Variants in FUCA2 observed in about 807,000 individuals in gnomAD.
FUCA2 encodes alpha-L-fucosidase 2.
In FUCA2, 41 loss-of-function variants were observed where a neutral mutation model predicts 52.6. The observed-to-expected ratio is 0.78, with a 90% CI of 0.61 to 1.01. FUCA2 has a LOEUF of 1.01. Among genes scored for constraint, FUCA2 ranks in the 50% least tolerant of loss-of-function variants. The pLI is 0.00. For synonymous variants in FUCA2, 211 were observed against 217.3 expected, an observed-to-expected ratio of 0.97 and a Z score of 0.26; for missense variants, 507 against 569.5, an observed-to-expected ratio of 0.89 and a Z score of 1.12.
rs963905383 is a variant in FUCA2, at chr6:143,495,141, CAT to C, written c.*564_*565del. On this transcript the variant is annotated 3_prime_UTR_variant, in exon 7 of 7. Transcript: ENST00000002165. This position sits in a 1 kb window ranked among gnomAD's most constrained non-coding sequence, Gnocchi z 5.2. ...TTTTACTGTACCTTCTCTATGTTTC[CAT>C]ATGTTTCGATATACAAATACCACTG... 1.3e-5 allele frequency: 2 copies of C among 152,162 alleles called. No individual in the cohort carries two copies. The highest frequency in any genetic ancestry group is 2.9e-5 in the Non-Finnish European group (2 of 68,076). 9.4% of individuals were successfully genotyped at this position (152,162 alleles called of 1,614,324 possible). A position where few individuals can be genotyped will look rare whatever the true frequency, so the allele number is the denominator to read the frequency against.
Position 143,507,263 on chromosome 6 carries a change from A to C in FUCA2, c.386T>G (p.Ile129Ser). 1.3e-6 allele frequency: 2 copies of C among 1,599,774 alleles called. No homozygotes were observed. Among genetic ancestry groups the C allele is most frequent in the Non-Finnish European group, 1.7e-6 (2 of 1,175,554 alleles). Residue 129 changes from isoleucine to serine, a missense_variant, in exon 2 of 7, where the codon ATT becomes AGT. By Grantham distance (142) the Ile-to-Ser change is moderately radical. Coordinates refer to ENST00000002165, the MANE Select transcript of FUCA2 (RefSeq NM_032020.5). The surrounding 1 kb of genome is among the most constrained non-coding windows in gnomAD (Gnocchi z 4.5). ...DIFQASGAKYIVLTSKHHEGF... is the reference protein window; with the variant it reads ...DIFQASGAKYSVLTSKHHEGF... ...TTCATGATGTTTGGAAGTTAAGACA[A>C]TGTATTTGGCACCAGAGGCCTGAAA...
rs1466244639 is a variant in FUCA2, at chr6:143,503,855, T to C, written c.752+58A>G. 5 of 1,306,988 alleles carry C rather than the reference T, an allele frequency of 3.8e-6. No individual in the cohort carries two copies. The highest frequency in any genetic ancestry group is 5.3e-6 in the Non-Finnish European group (5 of 945,898). 81.0% of individuals were successfully genotyped at this position (1,306,988 alleles called of 1,614,324 possible). On this transcript the variant is annotated intron_variant, in intron 3 of 6. Transcript: ENST00000002165. The surrounding 1 kb of genome is among the most constrained non-coding windows in gnomAD (Gnocchi z 4.8). Reference sequence around the variant, plus strand: ...ATTTCAAGAGGTGAAGGAATTAAAATGTTAGAAATATATTAGGAATATGGA... The same window carrying C: ...ATTTCAAGAGGTGAAGGAATTAAAACGTTAGAAATATATTAGGAATATGGA...
At chr6:143,508,276 G>A (rs952965781) in intron 1 of FUCA2, among the ~76,000 whole-genome samples, 1 of 152,176 alleles carries the variant, frequency 6.6e-6, no homozygotes, top group Non-Finnish European at 1.5e-5. Flanking sequence ...GACTTCATGA[G>A]GAAAAGCACA....
In FUCA2 at chr6:143,499,533, A is replaced by G. The variant is rs1780504824; in HGVS notation, c.1155-2036T>C. ...ATCGCACCAGTGCACTCAAAAAAAG[A>G]TAGAGAAGAATGGAAGTCCAAAGAC... On this transcript the variant is annotated intron_variant, in intron 5 of 6. Coordinates refer to ENST00000002165, the MANE Select transcript of FUCA2 (RefSeq NM_032020.5). The surrounding 1 kb of genome is among the most constrained non-coding windows in gnomAD (Gnocchi z 6.0). 6.6e-6 allele frequency among the ~76,000 whole-genome samples: 1 copy of G among 152,154 alleles called. No individual in the cohort carries two copies.
chr6:143,496,659 G>T (rs1780464387), intron 6 of FUCA2: 1 of 152,154 alleles, frequency 6.6e-6, no homozygotes, highest in Admixed American at 6.5e-5. Context: ...AGATCTGGTG[G>T]TTTCAACAGT....
Position 143,511,628 on chromosome 6 carries a change from G to T in FUCA2, c.7C>A (p.Pro3Thr). The change falls in exon 1 of 7, where the codon CCC becomes ACC. Residue 3 changes from proline (P) to threonine (T), a missense_variant. Coordinates refer to ENST00000002165, the MANE Select transcript of FUCA2 (RefSeq NM_032020.5). This position sits in a 1 kb window ranked among gnomAD's most constrained non-coding sequence, Gnocchi z 6.3. Reference sequence around the variant, plus strand: ...AACGCGAGCCTGGGGAGCTCCTGGGGCCGCATGTCCCGGCGCAGGCCGGCT... The same window carrying T: ...AACGCGAGCCTGGGGAGCTCCTGGGTCCGCATGTCCCGGCGCAGGCCGGCT... MR[P>T]QELPRLAFPL... 1 of 1,523,104 alleles carries T rather than the reference G, an allele frequency of 6.6e-7. No homozygotes were observed. Among genetic ancestry groups the T allele is most frequent in the Non-Finnish European group, 8.8e-7 (1 of 1,134,652 alleles). The allele number at this position is 1,523,104 out of a possible 1,614,324, so 94.3% of individuals were successfully genotyped here.
rs536622665 is a variant in FUCA2 at position 143,495,973 on chromosome 6, T to C, written c.1264-126A>G. Reference sequence around the variant, plus strand: ...GACAAGAGGTTCATTTTTACCTTTATTTAGTGATTCACAATCACTCTTCAT... The same window carrying C: ...GACAAGAGGTTCATTTTTACCTTTACTTAGTGATTCACAATCACTCTTCAT... On this transcript the variant is annotated intron_variant, in intron 6 of 6. Coordinates refer to ENST00000002165, the MANE Select transcript of FUCA2 (RefSeq NM_032020.5). This position sits in a 1 kb window ranked among gnomAD's most constrained non-coding sequence, Gnocchi z 5.2. 1.1e-6 allele frequency: 1 copy of C among 879,796 alleles called. No homozygotes were observed. The highest frequency in any genetic ancestry group is 1.7e-5 in the South Asian group (1 of 60,388). The allele number at this position is 879,796 out of a possible 1,614,324, so 54.5% of individuals were successfully genotyped here.
rs1780649093 is a variant in FUCA2, at chr6:143,509,091, A to T, written c.225-1667T>A. On this transcript the variant is annotated intron_variant, in intron 1 of 6. Coordinates refer to ENST00000002165, the MANE Select transcript of FUCA2 (RefSeq NM_032020.5). This position sits in a 1 kb window ranked among gnomAD's most constrained non-coding sequence, Gnocchi z 5.4. ...ACTGGGACATTCAGAAAGTTGAACA[A>T]GAATAAGGAATTTCTCCTAGCATCA... Among the ~76,000 whole-genome samples, 2 of 152,194 alleles carry T rather than the reference A, an allele frequency of 1.3e-5. No individual in the cohort carries two copies. Among genetic ancestry groups the T allele is most frequent in the South Asian group, 4.1e-4 (2 of 4,828 alleles).
At chr6:143,506,154 A>C (rs1780603793) in intron 2 of FUCA2, 2 of 146,924 alleles carry the variant, frequency 1.4e-5, no homozygotes, top group Non-Finnish European at 3.0e-5. Flanking sequence ...TCCTATTCCC[A>C]TCCCATCCCT....
chr6:143,502,626 T>A lies in FUCA2; in HGVS notation c.753-61A>T. ...TATAAGCTTTTTATACAAAAAGAAATGTCACTGAAAAGACATGTAATTGAA... is the reference window on the plus strand; with the variant it reads ...TATAAGCTTTTTATACAAAAAGAAAAGTCACTGAAAAGACATGTAATTGAA... On this transcript the variant is annotated intron_variant, in intron 3 of 6. Transcript: ENST00000002165. The surrounding 1 kb of genome is among the most constrained non-coding windows in gnomAD (Gnocchi z 4.1). 7.4e-7 allele frequency: 1 copy of A among 1,359,650 alleles called. No homozygotes were observed. The highest frequency in any genetic ancestry group is 1.0e-6 in the Non-Finnish European group (1 of 971,890). 84.2% of individuals were successfully genotyped at this position (1,359,650 alleles called of 1,614,324 possible). A position where few individuals can be genotyped will look rare whatever the true frequency, so the allele number is the denominator to read the frequency against.
Position 143,495,368 on chromosome 6 carries a change from A to G in FUCA2, c.*339T>C, listed in dbSNP as rs937082665. 1 of 207,708 alleles carries G rather than the reference A, an allele frequency of 4.8e-6. No homozygotes were observed. Among genetic ancestry groups the G allele is most frequent in the Non-Finnish European group, 9.7e-6 (1 of 103,136 alleles). 12.9% of individuals were successfully genotyped at this position (207,708 alleles called of 1,614,324 possible). A position where few individuals can be genotyped will look rare whatever the true frequency, so the allele number is the denominator to read the frequency against. On this transcript the variant is annotated 3_prime_UTR_variant, in exon 7 of 7. Transcript: ENST00000002165. This position sits in a 1 kb window ranked among gnomAD's most constrained non-coding sequence, Gnocchi z 5.2. ...TCCCCATATTAAGTGATGCATAACT[A>G]TATAATCATGGGGGATATGGCTTCA... is the stretch of plus-strand genomic sequence containing the variant.
At position 143,509,040 on chromosome 6, in the gene FUCA2, A is replaced by G. The variant is rs1174387463; in HGVS notation, c.225-1616T>C. On this transcript the variant is annotated intron_variant, in intron 1 of 6. Coordinates refer to ENST00000002165, the MANE Select transcript of FUCA2 (RefSeq NM_032020.5). The surrounding 1 kb of genome is among the most constrained non-coding windows in gnomAD (Gnocchi z 5.4). Reference sequence around the variant, plus strand: ...GAGTATCTGGGACTACGGGCATTACATTTTAAATTGAACTGCAAAAGAGAA... The same window carrying G: ...GAGTATCTGGGACTACGGGCATTACGTTTTAAATTGAACTGCAAAAGAGAA... Among the ~76,000 whole-genome samples the G allele has an allele frequency of 6.6e-6, 1 of 152,112 alleles. No homozygotes were observed. The highest frequency in any genetic ancestry group is 1.5e-5 in the Non-Finnish European group (1 of 68,002).
chr6:143,504,376 G>A lies in FUCA2; in HGVS notation c.413-124C>T. ...TATATAAATACCTGCTCCTACAAAT[G>A]ACTGTTTTATGGCCATTTTTTCATA... On this transcript the variant is annotated intron_variant, in intron 2 of 6. Coordinates refer to ENST00000002165, the MANE Select transcript of FUCA2 (RefSeq NM_032020.5). This position sits in a 1 kb window ranked among gnomAD's most constrained non-coding sequence, Gnocchi z 4.4. 1 of 806,166 alleles carries A rather than the reference G, an allele frequency of 1.2e-6. No individual in the cohort carries two copies. Among genetic ancestry groups the A allele is most frequent in the Admixed American group, 2.7e-5 (1 of 36,384 alleles). The allele number at this position is 806,166 out of a possible 1,614,324, so 49.9% of individuals were successfully genotyped here.
intron 2 of FUCA2, chr6:143,505,307 A>ATTTTTTTTTTTT (rs35474217): frequency 3.1e-5 from 3 of 96,626 alleles, no homozygotes; most frequent in Non-Finnish European, 3.9e-5. Flanking sequence ...CATACTTTCG[A>ATTTTTTTTTTTT]TTTTTTTTTT....
chr6:143,497,538 C>T lies in FUCA2; in HGVS notation c.1155-41G>A, dbSNP rs2128421446. The stretch of plus-strand genomic sequence containing the variant: ...AAATAAAGAGCATAGTAGCAAGTTA[C>T]ATCCCATGTTTCTCACTATTTATGG... On this transcript the variant is annotated intron_variant, in intron 5 of 6. Transcript: ENST00000002165. The surrounding 1 kb of genome is among the most constrained non-coding windows in gnomAD (Gnocchi z 5.3). 3 of 1,071,372 alleles carry T rather than the reference C, an allele frequency of 2.8e-6. No individual in the cohort carries two copies. The highest frequency in any genetic ancestry group is 4.3e-6 in the Non-Finnish European group (3 of 701,868). 66.4% of individuals were successfully genotyped at this position (1,071,372 alleles called of 1,614,324 possible).
At chr6:143,506,192 G>GTTTTTTTTTTTT (rs3060493) in intron 2 of FUCA2, 2 of 125,814 alleles carry the variant, frequency 1.6e-5, no homozygotes, top group African/African-American at 3.0e-5. Flanking sequence ...AAAGTTTCCC[G>GTTTTTTTTTTTT]TTTTTTTTTT....
intron 2 of FUCA2, chr6:143,506,942 C>G: frequency 3.1e-6 from 1 of 317,726 alleles, no homozygotes; most frequent in South Asian, 4.5e-5. Flanking sequence ...TGACTTGCAA[C>G]CCACACTCCC....
chr6:143,508,992 C>T (rs376374399), intron 1 of FUCA2, among the ~76,000 whole-genome samples: 2 of 152,164 alleles, frequency 1.3e-5, no homozygotes, highest in East Asian at 1.9e-4. Flanking sequence ...TGGGCTCAAG[C>T]GATCGTCCCA....
rs376053802 is a variant in FUCA2, at chr6:143,501,800, A to G, written c.1154+132T>C. The G allele has an allele frequency of 5.9e-4, 409 of 697,916 alleles. 1 individual carries two copies. The African/African-American group carries it at 6.6e-3, about 11-fold the overall frequency. The allele number at this position is 697,916 out of a possible 1,614,324, so 43.2% of individuals were successfully genotyped here. On this transcript the variant is annotated intron_variant, in intron 5 of 6. Coordinates refer to ENST00000002165, the MANE Select transcript of FUCA2 (RefSeq NM_032020.5). This position sits in a 1 kb window ranked among gnomAD's most constrained non-coding sequence, Gnocchi z 6.1. ...CCCTTCTCTTTATATTAGAGTAAGC[A>G]AAGTTTGGAAAGTGCTTTGTATATG...
Sources: gnomAD v4.1 joint callset for allele counts (sites outside exome capture counted in the v4.1 genomes callset) on GRCh38, gnomAD v4.1.1 for gene constraint, Gnocchi (gnomAD v3.1) non-coding constraint, MANE v1.5 for transcripts, NCBI Gene and HGNC (gene_info 2026-07-23, HGNC 2026-07-21) for gene names.